TENM2: variants seen among roughly 807,000 people sequenced by gnomAD.
TENM2 encodes the protein teneurin-2.
A neutral mutation model predicts 245.2 loss-of-function variants in TENM2; 52 were observed. The ratio of observed to expected loss-of-function variants is 0.21; its 90% CI spans 0.17 to 0.27. The LOEUF is 0.27. Among genes scored for constraint, TENM2 ranks in the 10% least tolerant of loss-of-function variants. The pLI is 1.00. For missense variants in TENM2, 3,046 were observed against 3,666.8 expected (o/e 0.83, Z 4.37); for synonymous variants, 1,363 against 1,438.9 (o/e 0.95, Z 1.19).
chr5:167,584,104 G>A (rs904081341), intron 2 of TENM2, among the ~76,000 whole-genome samples: 5 of 152,252 alleles, frequency 3.3e-5, no homozygotes, highest in East Asian at 1.9e-4. Flanking sequence ...TGTTACTGGC[G>A]GAGGGTCCTG....
chr5:167,505,088 A>G lies in TENM2; in HGVS notation c.502+129615A>G, dbSNP rs558257953. 1.7e-3 allele frequency among the ~76,000 whole-genome samples: 261 copies of G among 152,248 alleles called. 1 individual carries two copies. The highest frequency in any genetic ancestry group is 5.9e-3 in the African/African-American group (246 of 41,570). ...GCGTTTATTGGCGGGGATGGATTGTATCTATTCCATTAACATGGATGATTG... is the reference window on the plus strand; with the variant it reads ...GCGTTTATTGGCGGGGATGGATTGTGTCTATTCCATTAACATGGATGATTG... On this transcript the variant is annotated intron_variant, in intron 2 of 28. Coordinates refer to ENST00000518659, the Ensembl canonical transcript of TENM2.
At chr5:167,975,452 ATT>A (rs34381656) in intron 4 of TENM2, among the ~76,000 whole-genome samples, 44 of 144,476 alleles carry the variant, frequency 3.0e-4, no homozygotes, top group East Asian at 1.0e-3. Flanking sequence ...TCTTAGTGGC[ATT>A]TTTTTTTTTT....
chr5:167,256,789 T>C, the TENM2 span, among the ~76,000 whole-genome samples: 1 of 151,966 alleles, frequency 6.6e-6, no homozygotes, highest in South Asian at 2.1e-4. Flanking sequence ...AAAGAAGAAA[T>C]TTAGAAAAAA....
intron 1 of TENM2, among the ~76,000 whole-genome samples, chr5:167,365,118 A>G (rs1233435837): frequency 1.3e-5 from 2 of 152,048 alleles, no homozygotes; most frequent in Admixed American, 1.3e-4. Flanking sequence ...TCCACCAAGC[A>G]TGTAATTTAG....
chr5:167,855,179 C>T (rs190867582), intron 2 of TENM2, among the ~76,000 whole-genome samples: 5 of 152,252 alleles, frequency 3.3e-5, no homozygotes, highest in Admixed American at 2.6e-4. Flanking sequence ...AAATGTGCAG[C>T]CAGCTCAGAG....
chr5:167,172,473 G>A, the TENM2 span, among the ~76,000 whole-genome samples: 414 of 152,272 alleles, frequency 2.7e-3, 3 homozygotes, highest in African/African-American at 9.6e-3. Flanking sequence ...GGAGCTGGAA[G>A]TGACACCCAG....
At chr5:168,231,397 G>T (rs891598695) in intron 25 of TENM2, among the ~76,000 whole-genome samples, 2 of 152,218 alleles carry the variant, frequency 1.3e-5, no homozygotes, top group Non-Finnish European at 2.9e-5. Flanking sequence ...CAGTGGAAAG[G>T]CCAAGAGGCC....
At chr5:167,481,159 A>G (rs759320934) in intron 2 of TENM2, among the ~76,000 whole-genome samples, 6 of 152,200 alleles carry the variant, frequency 3.9e-5, no homozygotes, top group Non-Finnish European at 5.9e-5. Flanking sequence ...AAAAGGATAT[A>G]TAATTACATC....
intron 2 of TENM2, among the ~76,000 whole-genome samples, chr5:167,391,866 G>A (rs1243343949): frequency 1.3e-5 from 2 of 152,062 alleles, no homozygotes; most frequent in Non-Finnish European, 2.9e-5. Context: ...CAGCAGCATA[G>A]GAGTGGCCCA....
chr5:168,076,312 G>A (rs1791472629), intron 7 of TENM2, among the ~76,000 whole-genome samples: 1 of 148,076 alleles, frequency 6.8e-6, no homozygotes, highest in East Asian at 2.0e-4. Flanking sequence ...TGCAACCTCT[G>A]CCTCCCAGGT....
At chr5:167,840,578 A>T (rs1425587199) in intron 2 of TENM2, among the ~76,000 whole-genome samples, 2 of 152,064 alleles carry the variant, frequency 1.3e-5, no homozygotes, top group Non-Finnish European at 2.9e-5. Context: ...TGAGAACCTG[A>T]TAAATCAGCA....
intron 2 of TENM2, among the ~76,000 whole-genome samples, chr5:167,401,506 G>T (rs958105651): frequency 1.1e-4 from 16 of 152,160 alleles, no homozygotes; most frequent in Non-Finnish European, 1.9e-4. Context: ...ATTTTTAAAA[G>T]GACAAAGTGT....
rs1018285232 is a variant in TENM2 at position 168,079,152 on chromosome 5, T to C, written c.1516-11422T>C. ...CCTTGAAGAGGTCCTTCACATCCCT[T>C]GTAAGTTGGATTCCTAGGTATTTTA... On this transcript the variant is annotated intron_variant, in intron 7 of 28. Coordinates refer to ENST00000518659, the Ensembl canonical transcript of TENM2. Among the ~76,000 whole-genome samples the C allele has an allele frequency of 2.7e-3, 406 of 152,300 alleles. 1 individual carries two copies. The highest frequency in any genetic ancestry group is 6.8e-3 in the Middle Eastern group (2 of 294).
the TENM2 span, among the ~76,000 whole-genome samples, chr5:167,272,931 G>T: frequency 1.3e-5 from 2 of 152,096 alleles, no homozygotes; most frequent in African/African-American, 4.8e-5. Flanking sequence ...AAATTCACCT[G>T]TGCATCCTTA....
intron 9 of TENM2, among the ~76,000 whole-genome samples, chr5:168,114,581 A>G (rs1010494638): frequency 6.6e-6 from 1 of 152,160 alleles, no homozygotes; most frequent in Non-Finnish European, 1.5e-5. Flanking sequence ...GTGCTCTCCA[A>G]TGCAGGACAC....
chr5:167,344,895 G>T (rs1405523278), intron 1 of TENM2, among the ~76,000 whole-genome samples: 4 of 152,128 alleles, frequency 2.6e-5, no homozygotes, highest in African/African-American at 9.7e-5. Context: ...GGTGGGTAAA[G>T]AATGCCCATT....
intron 2 of TENM2, chr5:167,728,649 A>AAT: frequency 6.7e-6 from 1 of 150,330 alleles, no homozygotes; most frequent in East Asian, 2.0e-4. Flanking sequence ...ATGAAATAGA[A>AAT]AGAGTGGCTG....
intron 2 of TENM2, among the ~76,000 whole-genome samples, chr5:167,513,164 CA>C (rs1770084005): frequency 6.6e-6 from 1 of 152,066 alleles, no homozygotes; most frequent in South Asian, 2.1e-4. Flanking sequence ...GGATAGAAAG[CA>C]AGGAATAATG....
chr5:167,266,093 C>T, the TENM2 span, among the ~76,000 whole-genome samples: 3 of 152,204 alleles, frequency 2.0e-5, no homozygotes, highest in Non-Finnish European at 4.4e-5. Context: ...GAATGTCTGA[C>T]TCCTTTCCTA....
Sources: allele counts gnomAD v4.1 joint callset (sites outside exome capture counted in the v4.1 genomes callset), GRCh38; gene constraint gnomAD v4.1.1; transcripts MANE v1.5; gene names NCBI Gene and HGNC (gene_info 2026-07-23, HGNC 2026-07-21).